MROH1: variants seen among roughly 807,000 people sequenced by gnomAD.
MROH1 encodes maestro heat-like repeat-containing protein family member 1.
MROH1 carries 117 observed loss-of-function variants against 116.5 expected under a neutral mutation model. The ratio of observed to expected loss-of-function variants is 1.00; its 90% CI spans 0.86 to 1.17. MROH1 has a LOEUF of 1.17. Ranked by LOEUF, MROH1 falls within the 50% of genes most tolerant of loss-of-function variation. The pLI, the probability that MROH1 is intolerant of heterozygous loss-of-function variation, is 0.00. For missense variants in MROH1, 1,873 were observed against 1,338.5 expected, an observed-to-expected ratio of 1.40 and a Z score of -6.23; for synonymous variants, 921 against 583.9, an observed-to-expected ratio of 1.58 and a Z score of -8.32.
intron 5 of MROH1, among the ~76,000 whole-genome samples, chr8:144,179,833 C>T (rs145949009): frequency 1.9e-3 from 285 of 152,292 alleles, no homozygotes; most frequent in Non-Finnish European, 2.6e-3. Context: ...CCGTGGTGTG[C>T]GTGCAGCTGG....
chr8:144,202,017 C>CAA lies in MROH1; in HGVS notation c.1141+1476_1141+1477insAA, dbSNP rs764827689. ...TGGACAACAGAGTGAGACTCCGTCTCCAAAAAAAAAAAAAAAAAGAGAAAG... is the reference window on the plus strand; with the variant it reads ...TGGACAACAGAGTGAGACTCCGTCTCAACAAAAAAAAAAAAAAAAAGAGAAAG... On this transcript the variant is annotated intron_variant, in intron 12 of 43. Coordinates refer to ENST00000326134, the MANE Select transcript of MROH1 (RefSeq NM_032450.3). Among the ~76,000 whole-genome samples the CAA allele has an allele frequency of 9.8e-3, 515 of 52,746 alleles. 14 individuals are homozygous for CAA. The highest frequency in any genetic ancestry group is 0.029 in the Middle Eastern group (2 of 68). 34.6% of individuals were successfully genotyped at this position (52,746 alleles called of 152,430 possible).
At position 144,206,425 on chromosome 8, in the gene MROH1, C is replaced by CT. The variant is rs1054589954; in HGVS notation, c.1141+5898dup. 6.3e-3 allele frequency among the ~76,000 whole-genome samples: 873 copies of CT among 137,538 alleles called. 2 individuals are homozygous for CT. The highest frequency in any genetic ancestry group is 0.012 in the African/African-American group (451 of 37,676). 90.2% of individuals were successfully genotyped at this position (137,538 alleles called of 152,430 possible). On this transcript the variant is annotated intron_variant, in intron 12 of 43. Coordinates refer to ENST00000326134, the MANE Select transcript of MROH1 (RefSeq NM_032450.3). Reference sequence around the variant, plus strand: ...AACAGACACTTGGGTTGTTCATGTTCTTTTTTTTTTTTTTGAGACATAGTT... The same window carrying CT: ...AACAGACACTTGGGTTGTTCATGTTCTTTTTTTTTTTTTTTGAGACATAGTT...
intron 11 of MROH1, among the ~76,000 whole-genome samples, 184 bp downstream of exon 11, chr8:144,199,384 C>T (rs938197658): frequency 1.4e-4 from 21 of 152,156 alleles, no homozygotes; most frequent in African/African-American, 5.1e-4. Flanking sequence ...GCAGTGGCTG[C>T]AGCCTGGAAC....
chr8:144,192,365 C>T lies in MROH1; in HGVS notation c.912C>T (p.Thr304=). Residue 304 remains threonine, a synonymous_variant, in exon 10 of 44, where the codon ACC becomes ACT. Coordinates refer to ENST00000326134, the MANE Select transcript of MROH1 (RefSeq NM_032450.3). Reference sequence around the variant, plus strand: ...GTGTGGGCAGCCGCACACTGGAGACCCAGCTGGATGCCCTCTTGGCTGCAC... The same window carrying T: ...GTGTGGGCAGCCGCACACTGGAGACTCAGCTGGATGCCCTCTTGGCTGCAC... The part of the protein sequence containing the change: ...AVSVGSRTLE[T]QLDALLAALH... The T allele has an allele frequency of 6.3e-7, 1 of 1,599,108 alleles. No homozygotes were observed. The highest frequency in any genetic ancestry group is 8.5e-7 in the Non-Finnish European group (1 of 1,175,892).
chr8:144,197,442 T>C (rs1588089401), intron 10 of MROH1, among the ~76,000 whole-genome samples: 1 of 72,170 alleles, frequency 1.4e-5, no homozygotes, highest in East Asian at 8.2e-4. Flanking sequence ...TTTTTTTTTT[T>C]TTTTTTTTTT....
At chr8:144,233,118 C>T (rs1839261571) in intron 14 of MROH1, among the ~76,000 whole-genome samples, 1 of 152,050 alleles carries the variant, frequency 6.6e-6, no homozygotes, top group Non-Finnish European at 1.5e-5. Context: ...GCAAGAGCCA[C>T]AGCACCTGGC....
Position 144,232,725 on chromosome 8 carries a change from C to A in MROH1, c.1339-6031C>A, listed in dbSNP as rs199707846. On this transcript the variant is annotated intron_variant, in intron 14 of 43. Transcript: ENST00000326134. Reference sequence around the variant, plus strand: ...AGCTAGGATGGTCTCGATCTCCTGACCTCGTGATCTGCCCACCTCGGCCTC... The same window carrying A: ...AGCTAGGATGGTCTCGATCTCCTGAACTCGTGATCTGCCCACCTCGGCCTC... Among the ~76,000 whole-genome samples the A allele has an allele frequency of 1.8e-4, 27 of 152,132 alleles. No individual in the cohort carries two copies. The East Asian group carries it at 3.9e-3, about 22-fold the overall frequency.
At chr8:144,235,018 G>A (rs1243590240) in intron 14 of MROH1, among the ~76,000 whole-genome samples, 5 of 147,962 alleles carry the variant, frequency 3.4e-5, no homozygotes, top group East Asian at 2.1e-4. Context: ...TCAGCCTCCC[G>A]CGTAGCTGGG....
chr8:144,191,938 G>C, intron 9 of MROH1, 83 bp downstream of exon 9: 1 of 1,523,946 alleles, frequency 6.6e-7, no homozygotes, highest in Non-Finnish European at 8.9e-7. Flanking sequence ...TCCTCGGCTA[G>C]GGCTCAGTGG....
In MROH1 at chr8:144,161,103, ACG is replaced by A. The variant is rs1819414924; in HGVS notation, c.-57+16_-57+17del. 6.6e-6 allele frequency: 1 copy of A among 152,536 alleles called. No homozygotes were observed. The allele number at this position is 152,536 out of a possible 1,614,324, so 9.4% of individuals were successfully genotyped here. On this transcript the variant is annotated intron_variant, in intron 2 of 43. Coordinates refer to ENST00000326134, the MANE Select transcript of MROH1 (RefSeq NM_032450.3). Reference sequence around the variant, plus strand: ...AGCAGTTGTGGGGTGAGTCCTTCTCACGCTTCAAATTTCTCCTCCCCGCTCTT... The same window carrying A: ...AGCAGTTGTGGGGTGAGTCCTTCTCACTTCAAATTTCTCCTCCCCGCTCTT...
chr8:144,243,989 G>A (rs1042294662), intron 26 of MROH1, 47 bp downstream of exon 26: 8 of 763,432 alleles, frequency 1.0e-5, no homozygotes, highest in African/African-American at 1.7e-5. Flanking sequence ...GCGTGTGTGC[G>A]TGCATGTGTG....
chr8:144,228,913 C>T (rs1408609422), intron 14 of MROH1, among the ~76,000 whole-genome samples: 2 of 152,206 alleles, frequency 1.3e-5, no homozygotes, highest in Non-Finnish European at 2.9e-5. Flanking sequence ...TCAAACCCTG[C>T]CACTGCTTTA....
Position 144,247,635 on chromosome 8 carries a change from C to G in MROH1, c.3076C>G (p.Pro1026Ala). ...CAGCCTCAAGGACGGCCTCGTGCAC[C>G]CTGACCCCGCCATTCTCTTCCACAC... is the stretch of plus-strand genomic sequence containing the variant. ...LLSLKDGLVH[P>A]DPAILFHTCH... Residue 1026 changes from proline to alanine, a missense_variant, in exon 31 of 44, where the codon CCT becomes GCT. By Grantham distance (27) the Pro-to-Ala change is conservative. Transcript: ENST00000326134. The G allele has an allele frequency of 2.6e-6, 2 of 764,506 alleles. No individual in the cohort carries two copies. Among genetic ancestry groups the G allele is most frequent in the Middle Eastern group, 3.2e-4 (1 of 3,170 alleles). The allele number at this position is 764,506 out of a possible 1,614,324, so 47.4% of individuals were successfully genotyped here. A position where few individuals can be genotyped will look rare whatever the true frequency, so the allele number is the denominator to read the frequency against.
At chr8:144,181,131 C>T (rs572790105) in intron 7 of MROH1, among the ~76,000 whole-genome samples, 6 of 152,156 alleles carry the variant, frequency 3.9e-5, no homozygotes, top group African/African-American at 7.2e-5. Context: ...CTCGTGCTCC[C>T]GGTGTCCCAT....
chr8:144,193,782 T>A (rs1056030135), intron 10 of MROH1, among the ~76,000 whole-genome samples: 5 of 152,030 alleles, frequency 3.3e-5, no homozygotes, highest in Admixed American at 3.3e-4. Flanking sequence ...TAGTTTTTTG[T>A]ATTTTTAGTA....
rs748395251 is a variant in MROH1, at chr8:144,159,030, TCTGC to T, written c.-176-1936_-176-1933del. On this transcript the variant is annotated intron_variant, in intron 1 of 43. Coordinates refer to ENST00000326134, the MANE Select transcript of MROH1 (RefSeq NM_032450.3). ...TGCCAAGATTACAGGTATGAGCCAC[TCTGC>T]CTGGCCGAATTTTCTGTTCACTTGT... is the stretch of plus-strand genomic sequence containing the variant. Among the ~76,000 whole-genome samples, 5 of 152,266 alleles carry T rather than the reference TCTGC, an allele frequency of 3.3e-5. No individual in the cohort carries two copies. The East Asian group carries it at 5.8e-4, about 18-fold the overall frequency.
intron 1 of MROH1, among the ~76,000 whole-genome samples, chr8:144,159,179 G>A (rs1471841605): frequency 6.6e-6 from 1 of 152,154 alleles, no homozygotes. Flanking sequence ...CCAATGTGGT[G>A]AAACCCCATC....
At chr8:144,197,580 C>T (rs1381640163) in intron 10 of MROH1, among the ~76,000 whole-genome samples, 3 of 149,780 alleles carry the variant, frequency 2.0e-5, no homozygotes, top group African/African-American at 4.9e-5. Flanking sequence ...GGACTACAGG[C>T]GCCTGCAACC....
chr8:144,158,213 G>A (rs1327430001), intron 1 of MROH1, among the ~76,000 whole-genome samples: 2 of 151,654 alleles, frequency 1.3e-5, no homozygotes, highest in Admixed American at 6.6e-5. Context: ...GGCTGGTCTC[G>A]AACTCCTGAA....
Sources: gnomAD v4.1 joint callset for allele counts (sites outside exome capture counted in the v4.1 genomes callset) on GRCh38, gnomAD v4.1.1 for gene constraint, MANE v1.5 for transcripts, NCBI Gene and HGNC (gene_info 2026-07-23, HGNC 2026-07-21) for gene names.